The following PRELID2 variants were observed in gnomAD, a reference collection of about 807,000 sequenced individuals.
The protein encoded by PRELID2 is PRELI domain-containing protein 2.
In PRELID2, 25 loss-of-function variants were observed where a neutral mutation model predicts 28.4. That is an observed-to-expected ratio of 0.88 (90% CI 0.64 to 1.23). PRELID2 has a LOEUF of 1.23. PRELID2 is among the 50% of genes most tolerant of loss of function. The pLI is 0.00. For synonymous variants in PRELID2, 76 were observed against 71.6 expected (o/e 1.06, Z -0.31); for missense variants, 201 against 214.4 (o/e 0.94, Z 0.39).
At chr5:145,412,457 C>G in the PRELID2 span, among the ~76,000 whole-genome samples, 1 of 152,196 alleles carries the variant, frequency 6.6e-6, no homozygotes, top group African/African-American at 2.4e-5. Context: ...ATCTGACCAC[C>G]TCAGCCTGGA....
At chr5:145,818,194 T>C in intron 3 of PRELID2, 140 bp from the exon 4 acceptor site, 2 of 846,620 alleles carry the variant, frequency 2.4e-6, no homozygotes, top group Non-Finnish European at 3.6e-6. Context: ...CCAGTGGCTG[T>C]ACGTTTTTGA....
intron 1 of PRELID2, among the ~76,000 whole-genome samples, chr5:145,697,253 C>T (rs1277095394): frequency 6.6e-6 from 1 of 151,700 alleles, no homozygotes; most frequent in Admixed American, 6.6e-5. Flanking sequence ...ATACAGGCAT[C>T]CCTGTGTGCA....
chr5:145,732,136 A>T (rs557585574), intron 1 of PRELID2, among the ~76,000 whole-genome samples: 13 of 152,310 alleles, frequency 8.5e-5, no homozygotes, highest in African/African-American at 2.9e-4. Flanking sequence ...GGCCTCCTTG[A>T]TTACAGTTTA....
chr5:145,776,770 T>G (rs1758434885), intron 5 of PRELID2, among the ~76,000 whole-genome samples: 1 of 152,246 alleles, frequency 6.6e-6, no homozygotes, highest in South Asian at 2.1e-4. Flanking sequence ...TTCTACTATT[T>G]CAGTTGCTAA....
the PRELID2 span, among the ~76,000 whole-genome samples, chr5:145,371,037 T>C: frequency 4.0e-4 from 61 of 152,212 alleles, 1 homozygote; most frequent in African/African-American, 1.3e-3. Context: ...GTTTTCTAAA[T>C]ATACAATCAT....
chr5:145,785,962 C>T (rs1277364098), intron 5 of PRELID2, among the ~76,000 whole-genome samples: 2 of 152,200 alleles, frequency 1.3e-5, no homozygotes, highest in Non-Finnish European at 2.9e-5. Context: ...CTTCAGTGAG[C>T]TGTTCATGCA....
At chr5:145,745,836 T>A (rs997518129) in intron 1 of PRELID2, among the ~76,000 whole-genome samples, 1 of 148,798 alleles carries the variant, frequency 6.7e-6, no homozygotes, top group African/African-American at 2.5e-5. Flanking sequence ...CACTCCACCC[T>A]GGGTGATAAG....
Position 145,758,994 on chromosome 5 carries a change from A to ATTTTTTTTTTTTTTTTTT in PRELID2, c.*1524_*1541dup, listed in dbSNP as rs70998036. 3.3e-5 allele frequency: 3 copies of ATTTTTTTTTTTTTTTTTT among 90,592 alleles called. No individual in the cohort carries two copies. The highest frequency in any genetic ancestry group is 4.4e-5 in the African/African-American group (1 of 22,616). 5.6% of individuals were successfully genotyped at this position (90,592 alleles called of 1,614,324 possible). ...CCAAGACTCTCCAGTAACGGCCTGA[A>ATTTTTTTTTTTTTTTTTT]TTTTTTTTTTTTTTTTTTTTTTTTG... On this transcript the variant is annotated 3_prime_UTR_variant, in exon 7 of 7. Coordinates refer to ENST00000683046, the MANE Select transcript of PRELID2 (RefSeq NM_205846.3).
chr5:145,779,949 T>C (rs1312426943), intron 5 of PRELID2, among the ~76,000 whole-genome samples: 4 of 152,196 alleles, frequency 2.6e-5, no homozygotes, highest in Non-Finnish European at 5.9e-5. Context: ...GTAATGTTAA[T>C]AACAACAACT....
chr5:145,319,183 A>T, the PRELID2 span, among the ~76,000 whole-genome samples: 1 of 152,126 alleles, frequency 6.6e-6, no homozygotes, highest in African/African-American at 2.4e-5. Flanking sequence ...ATTTAGGGCC[A>T]CGGGTTTCCA....
the PRELID2 span, among the ~76,000 whole-genome samples, chr5:145,399,361 A>T: frequency 1.3e-5 from 2 of 152,098 alleles, no homozygotes; most frequent in Admixed American, 1.3e-4. Context: ...TATATAAATC[A>T]CATATCAGAA....
the PRELID2 span, among the ~76,000 whole-genome samples, chr5:145,276,601 A>T: frequency 2.0e-5 from 3 of 151,838 alleles, no homozygotes; most frequent in Admixed American, 6.6e-5. Flanking sequence ...CCAACTTTAT[A>T]AAAAAAAGTC....
intron 4 of PRELID2, among the ~76,000 whole-genome samples, chr5:145,813,854 G>A (rs1032962146): frequency 6.6e-6 from 1 of 152,158 alleles, no homozygotes; most frequent in Non-Finnish European, 1.5e-5. Flanking sequence ...AATATAAAAT[G>A]CATACAACCT....
At chr5:145,436,269 T>C in the PRELID2 span, among the ~76,000 whole-genome samples, 2 of 152,182 alleles carry the variant, frequency 1.3e-5, no homozygotes, top group East Asian at 3.9e-4. Context: ...ATGATCTTAT[T>C]GTTATTTATG....
chr5:145,659,043 C>G (rs1484752007), intron 1 of PRELID2, among the ~76,000 whole-genome samples: 1 of 152,106 alleles, frequency 6.6e-6, no homozygotes, highest in Non-Finnish European at 1.5e-5. Flanking sequence ...GGAAAATGAA[C>G]CTACAGCAGA....
the PRELID2 span, among the ~76,000 whole-genome samples, chr5:145,353,378 G>A: frequency 1.3e-5 from 2 of 152,030 alleles, no homozygotes; most frequent in South Asian, 2.1e-4. Flanking sequence ...CAGGAGAATC[G>A]CTTGAACCCA....
At chr5:145,490,303 A>G (rs1298444669) in intron 1 of PRELID2, among the ~76,000 whole-genome samples, 1 of 152,162 alleles carries the variant, frequency 6.6e-6, no homozygotes, top group Admixed American at 6.6e-5. Flanking sequence ...TGCTTTGTCC[A>G]CACTTTCTCT....
At chr5:145,464,989 A>G in the PRELID2 span, among the ~76,000 whole-genome samples, 1 of 152,148 alleles carries the variant, frequency 6.6e-6, no homozygotes, top group South Asian at 2.1e-4. Context: ...CTTGTAATGT[A>G]TGTTGTCCTA....
the PRELID2 span, among the ~76,000 whole-genome samples, chr5:145,414,047 A>G: frequency 6.6e-6 from 1 of 152,178 alleles, no homozygotes; most frequent in Non-Finnish European, 1.5e-5. Flanking sequence ...TTTTAGAGGT[A>G]GAATTAAGCC....
Sources: gnomAD v4.1 joint callset for allele counts (sites outside exome capture counted in the v4.1 genomes callset) on GRCh38, gnomAD v4.1.1 for gene constraint, MANE v1.5 for transcripts, NCBI Gene and HGNC (gene_info 2026-07-23, HGNC 2026-07-21) for gene names.